The following UVSSA variants were observed in gnomAD, a reference collection of about 807,000 sequenced individuals.
UVSSA encodes UV-stimulated scaffold protein A.
Under a neutral mutation model 73.9 loss-of-function variants are expected in UVSSA, and 72 were observed. The ratio of observed to expected loss-of-function variants is 0.97; its 90% CI spans 0.81 to 1.19. The LOEUF is 1.19. Among genes scored for constraint, UVSSA ranks in the 50% most tolerant of loss-of-function variants. The pLI is 0.00. For missense variants in UVSSA, 1,150 were observed against 965.0 expected (o/e 1.19, Z -2.54); for synonymous variants, 454 against 391.3 (o/e 1.16, Z -1.89).
At chr4:1,383,117 A>C (rs1014589045) in intron 12 of UVSSA, among the ~76,000 whole-genome samples, 1 of 151,862 alleles carries the variant, frequency 6.6e-6, no homozygotes, top group Non-Finnish European at 1.5e-5. Flanking sequence ...GGCTGTTGAC[A>C]TTTCTGTCCC....
At chr4:1,354,030 G>A (rs1715244949) in intron 5 of UVSSA, among the ~76,000 whole-genome samples, 1 of 151,968 alleles carries the variant, frequency 6.6e-6, no homozygotes, top group Admixed American at 6.6e-5. Context: ...GTATGTGTGT[G>A]GCTTCAAATC....
rs60318483 is a variant in UVSSA at position 1,362,084 on chromosome 4, C to T, written c.1177-4236C>T. 9.7e-3 allele frequency among the ~76,000 whole-genome samples: 1,470 copies of T among 152,326 alleles called. 30 individuals are homozygous for T. Among genetic ancestry groups the T allele is most frequent in the African/African-American group, 0.032 (1,340 of 41,566 alleles). ...AATAATTAGTAACCTCGCCACCCTACTTCTGTGAACTGATTGCATTGTATA... is the reference window on the plus strand; with the variant it reads ...AATAATTAGTAACCTCGCCACCCTATTTCTGTGAACTGATTGCATTGTATA... On this transcript the variant is annotated intron_variant, in intron 7 of 13. Coordinates refer to ENST00000389851, the MANE Select transcript of UVSSA (RefSeq NM_020894.4).
exon 14 of UVSSA, chr4:1,394,432 C>G (rs972098463): frequency 1.7e-5 from 27 of 1,598,138 alleles, no homozygotes; most frequent in Middle Eastern, 3.3e-4. Flanking sequence ...TGATCTACTT[C>G]TAGTTTTTGA....
intron 8 of UVSSA, among the ~76,000 whole-genome samples, chr4:1,371,113 A>AT (rs1717973613): frequency 1.3e-5 from 2 of 152,286 alleles, no homozygotes; most frequent in South Asian, 4.1e-4. Flanking sequence ...TGGTGAGCAC[A>AT]TGTGTGTTCA....
chr4:1,344,611 C>T (rs905912746), upstream of UVSSA, among the ~76,000 whole-genome samples: 1 of 152,186 alleles, frequency 6.6e-6, no homozygotes, highest in African/African-American at 2.4e-5. Context: ...GCTTTCTAAT[C>T]TTATCCAGCA....
At chr4:1,380,611 C>CT (rs1408828013) in intron 11 of UVSSA, 15 of 1,499,566 alleles carry the variant, frequency 1.0e-5, no homozygotes, top group Non-Finnish European at 1.3e-5. Context: ...AGGGGGGTCG[C>CT]TATGGCCATG....
At chr4:1,346,662 G>A (rs528044655), upstream of UVSSA, among the ~76,000 whole-genome samples, 1 of 152,158 alleles carries the variant, frequency 6.6e-6, no homozygotes, top group Non-Finnish European at 1.5e-5. Flanking sequence ...CCTGCGCGGG[G>A]CGAGCTCGGG....
Position 1,354,749 on chromosome 4 carries a change from C to T in UVSSA, c.949C>T (p.Gln317Ter). 1.2e-6 allele frequency: 2 copies of T among 1,613,520 alleles called. No individual in the cohort carries two copies. The highest frequency in any genetic ancestry group is 8.5e-7 in the Non-Finnish European group (1 of 1,179,894). ...CTTCTCCCCAGAGGGCCTGAAGGTG[C>T]AGGAGAACGAGGACAACCTTGCTCT... ...VELCSEGLKV[Q>*]ENEDNLALIH... The change falls in exon 6 of 14, where the codon CAG becomes TAG. Residue 317 changes from glutamine to a stop codon, truncating the protein, a stop_gained. Transcript: ENST00000389851. LOFTEE classifies it high-confidence loss of function.
chr4:1,355,018 A>T lies in UVSSA; in HGVS notation c.1048-99A>T. Reference sequence around the variant, plus strand: ...CCTCTGCATCCCAGGTGTGCCAGGGACCCCCCGGGCCAGTGGACCTGGCAT... The same window carrying T: ...CCTCTGCATCCCAGGTGTGCCAGGGTCCCCCCGGGCCAGTGGACCTGGCAT... On this transcript the variant is annotated intron_variant, in intron 6 of 13. Transcript: ENST00000389851. 3.9e-6 allele frequency: 6 copies of T among 1,543,548 alleles called. No homozygotes were observed. The Middle Eastern group carries it at 5.2e-4, about 134-fold the overall frequency.
At chr4:1,382,402 G>A (rs534256826) in intron 12 of UVSSA, among the ~76,000 whole-genome samples, 3 of 152,302 alleles carry the variant, frequency 2.0e-5, no homozygotes, top group South Asian at 4.1e-4. Context: ...CCTCCCTCGC[G>A]CACGGCGCAA....
intron 7 of UVSSA, among the ~76,000 whole-genome samples, chr4:1,359,719 C>G (rs1163248557): frequency 6.6e-6 from 1 of 152,144 alleles, no homozygotes; most frequent in Non-Finnish European, 1.5e-5. Flanking sequence ...GTCGTCCCCC[C>G]GACTCTGTGG....
intron 1 of UVSSA, 143 bp from the exon 2 acceptor site, chr4:1,347,947 A>C (rs1173625264): frequency 1.5e-6 from 1 of 683,508 alleles, no homozygotes; most frequent in Non-Finnish European, 2.6e-6. Context: ...CATATTTCCC[A>C]GAGAGGCACC....
chr4:1,380,577 C>T (rs1719358725), intron 11 of UVSSA: 4 of 1,387,724 alleles, frequency 2.9e-6, no homozygotes, highest in South Asian at 2.7e-5. Context: ...GGGCAGCTCC[C>T]AGCCGGGCAG....
intron 8 of UVSSA, among the ~76,000 whole-genome samples, chr4:1,367,786 C>A (rs761026778): frequency 2.0e-5 from 3 of 151,690 alleles, no homozygotes; most frequent in Non-Finnish European, 4.4e-5. Context: ...GACCTCACTG[C>A]GTCAGACCCC....
At chr4:1,358,269 G>A (rs914607415) in intron 7 of UVSSA, among the ~76,000 whole-genome samples, 8 of 152,220 alleles carry the variant, frequency 5.3e-5, no homozygotes, top group African/African-American at 1.7e-4. Flanking sequence ...AGGGCCCCTC[G>A]TCCCCTTCGA....
chr4:1,394,861 G>T, exon 14 of UVSSA: 1 of 1,572,600 alleles, frequency 6.4e-7, no homozygotes, highest in Non-Finnish European at 8.6e-7. Context: ...GTGCCCGCCT[G>T]CTCACACGTG....
At chr4:1,389,190 T>C (rs1720342365), downstream of UVSSA, 1 of 152,194 alleles carries the variant, frequency 6.6e-6, no homozygotes, top group South Asian at 2.1e-4. Context: ...TAATGGTTCA[T>C]AGCATTAAAA....
At chr4:1,346,625 G>A (rs1454781939), upstream of UVSSA, among the ~76,000 whole-genome samples, 1 of 152,100 alleles carries the variant, frequency 6.6e-6, no homozygotes, top group African/African-American at 2.4e-5. Flanking sequence ...AGGCCGGAGC[G>A]GGGAGGCGCC....
chr4:1,379,738 G>A (rs1719218325), intron 10 of UVSSA, among the ~76,000 whole-genome samples: 2 of 151,286 alleles, frequency 1.3e-5, no homozygotes. Flanking sequence ...AGTCGTGCCC[G>A]TGGTCGCGCG....
Sources: allele counts gnomAD v4.1 joint callset (sites outside exome capture counted in the v4.1 genomes callset), GRCh38; gene constraint gnomAD v4.1.1; transcripts MANE v1.5; gene names NCBI Gene and HGNC (gene_info 2026-07-23, HGNC 2026-07-21).